The following SLK variants were observed in gnomAD, a reference collection of about 807,000 sequenced individuals.
The protein encoded by SLK is STE20 like kinase.
Under a neutral mutation model 147.7 loss-of-function variants are expected in SLK, and 67 were observed. That is an observed-to-expected ratio of 0.45 (90% CI 0.37 to 0.56). SLK has a LOEUF of 0.56. Ranked by LOEUF, SLK falls within the 20% of genes least tolerant of loss-of-function variation. The pLI is 0.00. For synonymous variants in SLK, 441 were observed against 475.0 expected, an observed-to-expected ratio of 0.93 and a Z score of 0.93; for missense variants, 1,136 against 1,438.8, an observed-to-expected ratio of 0.79 and a Z score of 3.41.
At chr10:103,988,937 T>G (rs1844053766) in intron 1 of SLK, among the ~76,000 whole-genome samples, 1 of 152,184 alleles carries the variant, frequency 6.6e-6, no homozygotes, top group Non-Finnish European at 1.5e-5. Context: ...AACCAGAATT[T>G]AAATCCAGCA....
intron 17 of SLK, 120 bp from the exon 18 acceptor site, chr10:104,021,500 C>T (rs1844533229): frequency 3.4e-6 from 2 of 584,532 alleles, no homozygotes; most frequent in African/African-American, 1.9e-5. Context: ...TAGAGGAAAA[C>T]TTGAATCTCA....
At chr10:103,986,884 G>C (rs1425965084) in intron 1 of SLK, among the ~76,000 whole-genome samples, 2 of 151,978 alleles carry the variant, frequency 1.3e-5, no homozygotes, top group East Asian at 3.9e-4. Flanking sequence ...CACCATGTTG[G>C]CCAGGCTGGT....
intron 1 of SLK, among the ~76,000 whole-genome samples, chr10:103,978,580 A>G (rs761485717): frequency 6.6e-6 from 1 of 152,160 alleles, no homozygotes; most frequent in Non-Finnish European, 1.5e-5. Flanking sequence ...AAGAGCAATC[A>G]TTTTCAGAAG....
Position 103,990,856 on chromosome 10 carries a change from G to C in SLK, c.315+17G>C. 6.9e-7 allele frequency: 1 copy of C among 1,450,636 alleles called. No individual in the cohort carries two copies. The highest frequency in any genetic ancestry group is 9.1e-7 in the Non-Finnish European group (1 of 1,101,066). The allele number at this position is 1,450,636 out of a possible 1,614,324, so 89.9% of individuals were successfully genotyped here. ...AATCTTTGGGTAAGTATTTTCTGTTGATCTAAAGGAGTAGCCAAAATGAGT... is the reference window on the plus strand; with the variant it reads ...AATCTTTGGGTAAGTATTTTCTGTTCATCTAAAGGAGTAGCCAAAATGAGT... On this transcript the variant is annotated intron_variant, in intron 2 of 18. Coordinates refer to ENST00000369755, the MANE Select transcript of SLK (RefSeq NM_014720.4).
At chr10:103,990,147 A>G (rs1055498772) in intron 1 of SLK, among the ~76,000 whole-genome samples, 2 of 152,236 alleles carry the variant, frequency 1.3e-5, no homozygotes, top group Non-Finnish European at 2.9e-5. Flanking sequence ...AAAACTATGG[A>G]TGCAGTAAAA....
chr10:103,975,391 T>A (rs1843857125), intron 1 of SLK, among the ~76,000 whole-genome samples: 1 of 152,170 alleles, frequency 6.6e-6, no homozygotes, highest in Non-Finnish European at 1.5e-5. Context: ...AGAGGTCATT[T>A]TTAACACCTG....
chr10:104,017,447 C>G (rs1031163248), intron 13 of SLK, among the ~76,000 whole-genome samples: 5 of 152,020 alleles, frequency 3.3e-5, no homozygotes, highest in Non-Finnish European at 7.4e-5. Flanking sequence ...TCTGTTTTAC[C>G]TATTAGCTCT....
At chr10:104,001,169 A>G (rs1399763250) in intron 7 of SLK, among the ~76,000 whole-genome samples, 7 of 152,070 alleles carry the variant, frequency 4.6e-5, no homozygotes, top group African/African-American at 1.7e-4. Flanking sequence ...CAGAAAGTAC[A>G]TGTACCTACT....
chr10:103,995,626 A>G (rs529928730), intron 4 of SLK, among the ~76,000 whole-genome samples: 11 of 151,830 alleles, frequency 7.2e-5, no homozygotes, highest in Admixed American at 4.6e-4. Context: ...GGGTTTCACC[A>G]TGTTGACCGG....
chr10:103,982,700 T>C (rs1843961933), intron 1 of SLK, among the ~76,000 whole-genome samples: 2 of 152,200 alleles, frequency 1.3e-5, no homozygotes, highest in African/African-American at 4.8e-5. Context: ...TTGCGGCACT[T>C]ACTTGGTTAT....
In SLK at chr10:103,967,914, G is replaced by T. The variant is rs942948056; in HGVS notation, c.150+19G>T. 6.2e-7 allele frequency: 1 copy of T among 1,611,866 alleles called. No homozygotes were observed. Among genetic ancestry groups the T allele is most frequent in the Non-Finnish European group, 8.5e-7 (1 of 1,178,752 alleles). On this transcript the variant is annotated intron_variant, in intron 1 of 18. Coordinates refer to ENST00000369755, the MANE Select transcript of SLK (RefSeq NM_014720.4). ...GTACAAGGTAAGAGGGGGAAAACGG[G>T]AAGTTGTACTGCGAAGGTAAAACAG... is the stretch of plus-strand genomic sequence containing the variant.
chr10:103,999,058 A>G lies in SLK; in HGVS notation c.588-61A>G, dbSNP rs1189636025. The G allele has an allele frequency of 9.2e-5, 142 of 1,545,602 alleles. 1 individual carries two copies. In the South Asian group the frequency reaches 1.5e-3, roughly 16 times the overall value. The stretch of plus-strand genomic sequence containing the variant: ...AATTTTTGTCCACATAATTGATTAT[A>G]CCATGTGTTTTGCAATCACTGTTCT... On this transcript the variant is annotated intron_variant, in intron 5 of 18. Coordinates refer to ENST00000369755, the MANE Select transcript of SLK (RefSeq NM_014720.4).
At chr10:104,000,317 C>T (rs805650) in intron 7 of SLK, among the ~76,000 whole-genome samples, 32,496 of 151,926 alleles carry the variant, frequency 0.21, 3,851 homozygotes, top group African/African-American at 0.32. Flanking sequence ...GTTGTTAAAG[C>T]GATTGGGTAA....
intron 1 of SLK, among the ~76,000 whole-genome samples, chr10:103,982,310 G>C (rs765429268): frequency 6.6e-6 from 1 of 152,148 alleles, no homozygotes; most frequent in Admixed American, 6.5e-5. Flanking sequence ...GAGTCAATAA[G>C]TCCTTGCAAT....
intron 1 of SLK, among the ~76,000 whole-genome samples, chr10:103,990,339 T>G (rs1156805135): frequency 6.6e-6 from 1 of 152,210 alleles, no homozygotes; most frequent in Non-Finnish European, 1.5e-5. Context: ...TGGGTGATAA[T>G]GATGTGTTAA....
At chr10:104,016,959 G>A (rs1844473041) in intron 13 of SLK, among the ~76,000 whole-genome samples, 1 of 152,174 alleles carries the variant, frequency 6.6e-6, no homozygotes, top group Non-Finnish European at 1.5e-5. Flanking sequence ...TAGTCCATGA[G>A]CCAATCACCA....
intron 17 of SLK, among the ~76,000 whole-genome samples, chr10:104,020,952 A>AT (rs1414637681): frequency 1.3e-5 from 2 of 152,196 alleles, no homozygotes; most frequent in Non-Finnish European, 2.9e-5. Context: ...CATATTCTGA[A>AT]TTTTTTGTCA....
At chr10:104,010,488 A>T (rs1323628032) in intron 12 of SLK, among the ~76,000 whole-genome samples, 1 of 152,236 alleles carries the variant, frequency 6.6e-6, no homozygotes, top group Non-Finnish European at 1.5e-5. Context: ...TCTTTCAACA[A>T]GGTCAGTTGA....
At chr10:103,971,699 G>C (rs952590379) in intron 1 of SLK, among the ~76,000 whole-genome samples, 1 of 152,190 alleles carries the variant, frequency 6.6e-6, no homozygotes, top group Non-Finnish European at 1.5e-5. Context: ...CTGTGTGCTG[G>C]ATGAAAGTAG....
Sources: allele counts gnomAD v4.1 joint callset (sites outside exome capture counted in the v4.1 genomes callset), GRCh38; gene constraint gnomAD v4.1.1; transcripts MANE v1.5; gene names NCBI Gene and HGNC (gene_info 2026-07-23, HGNC 2026-07-21).